The following KCNN2 variants were observed in gnomAD, a reference collection of about 807,000 sequenced individuals.
KCNN2 encodes the protein potassium calcium-activated channel subfamily N member 2, also known as small conductance calcium-activated potassium channel protein 2.
In KCNN2, 24 loss-of-function variants were observed where a neutral mutation model predicts 55.5. That is an observed-to-expected ratio of 0.43 (90% CI 0.31 to 0.61). The LOEUF is 0.61. Among genes scored for constraint, KCNN2 ranks in the 20% least tolerant of loss-of-function variants. KCNN2 has a pLI of 0.08. For missense variants in KCNN2, 754 were observed against 853.6 expected (o/e 0.88, Z 1.45); for synonymous variants, 431 against 336.1 (o/e 1.28, Z -3.09).
chr5:114,115,685 G>A (rs1485282414), intron 1 of KCNN2, among the ~76,000 whole-genome samples: 1 of 151,436 alleles, frequency 6.6e-6, no homozygotes, highest in African/African-American at 2.4e-5. Flanking sequence ...TTGGCCCACT[G>A]AGGGAAAAAA....
At chr5:114,161,513 G>A (rs1469217090) in intron 1 of KCNN2, among the ~76,000 whole-genome samples, 1 of 151,726 alleles carries the variant, frequency 6.6e-6, no homozygotes, top group Non-Finnish European at 1.5e-5. Flanking sequence ...TATCTTTGTG[G>A]CGTTCTCTGT....
rs189164609 is a variant in KCNN2, at chr5:114,072,253, T to C, written c.-271+15753T>C. 2.2e-3 allele frequency among the ~76,000 whole-genome samples: 328 copies of C among 151,846 alleles called. 2 individuals carry two copies. The highest frequency in any genetic ancestry group is 7.6e-3 in the African/African-American group (315 of 41,382). Reference sequence around the variant, plus strand: ...GTTGCGGTGAGCCAAGATCACGCCATTGCACTCCAGCCTGGGCAACAAGAG... The same window carrying C: ...GTTGCGGTGAGCCAAGATCACGCCACTGCACTCCAGCCTGGGCAACAAGAG... On this transcript the variant is annotated intron_variant, in intron 1 of 10. Transcript: ENST00000512097.
chr5:114,426,034 TA>T (rs2150084013), intron 3 of KCNN2, among the ~76,000 whole-genome samples: 2 of 150,622 alleles, frequency 1.3e-5, no homozygotes, highest in African/African-American at 4.9e-5. Context: ...AAAAAAAAAT[TA>T]GCTGGGCATG....
chr5:114,273,247 G>A (rs1439919111), intron 2 of KCNN2, among the ~76,000 whole-genome samples: 1 of 152,144 alleles, frequency 6.6e-6, no homozygotes, highest in South Asian at 2.1e-4. Flanking sequence ...TGGTATATAT[G>A]TGCCACATTT....
At chr5:114,340,545 A>C (rs918067934) in intron 2 of KCNN2, among the ~76,000 whole-genome samples, 1 of 152,178 alleles carries the variant, frequency 6.6e-6, no homozygotes, top group Non-Finnish European at 1.5e-5. Flanking sequence ...TAGAAATAAA[A>C]ATGGTATATA....
intron 1 of KCNN2, among the ~76,000 whole-genome samples, chr5:114,143,108 C>T (rs1303427171): frequency 6.6e-6 from 1 of 152,044 alleles, no homozygotes; most frequent in African/African-American, 2.4e-5. Context: ...GCTGCCAATG[C>T]ACTGGATATA....
chr5:114,242,493 G>A (rs1754665699), intron 2 of KCNN2, among the ~76,000 whole-genome samples: 1 of 152,100 alleles, frequency 6.6e-6, no homozygotes, highest in Non-Finnish European at 1.5e-5. Context: ...ATTGTTTATA[G>A]TGACACCAGT....
chr5:114,451,747 ATT>A (rs745729534), intron 3 of KCNN2, among the ~76,000 whole-genome samples: 337 of 152,208 alleles, frequency 2.2e-3, no homozygotes, highest in Non-Finnish European at 4.0e-3. Flanking sequence ...ATACAAAAAA[ATT>A]AGCCAGGCAT....
intron 2 of KCNN2, among the ~76,000 whole-genome samples, chr5:114,311,745 T>C (rs757735132): frequency 1.7e-4 from 26 of 152,274 alleles, no homozygotes; most frequent in Non-Finnish European, 2.4e-4. Flanking sequence ...AGATTAGAGA[T>C]GAATCTTTGG....
chr5:114,133,534 A>G (rs995903067), intron 1 of KCNN2, among the ~76,000 whole-genome samples: 1 of 152,134 alleles, frequency 6.6e-6, no homozygotes, highest in African/African-American at 2.4e-5. Context: ...AGACAGGGAA[A>G]TGAGTGCTGT....
intron 2 of KCNN2, among the ~76,000 whole-genome samples, chr5:114,241,806 GTA>G (rs1178723158): frequency 0.029 from 186 of 6,474 alleles, 50 homozygotes; most frequent in Non-Finnish European, 0.033. Context: ...ATATATATAC[GTA>G]TATATATATA....
At chr5:114,283,837 C>G (rs537345546) in intron 2 of KCNN2, among the ~76,000 whole-genome samples, 4 of 152,258 alleles carry the variant, frequency 2.6e-5, no homozygotes, top group African/African-American at 9.6e-5. Flanking sequence ...TTTAAGAGTA[C>G]AACTCCTGAG....
At chr5:114,366,603 G>T (rs377130290) in intron 2 of KCNN2, among the ~76,000 whole-genome samples, 1 of 152,216 alleles carries the variant, frequency 6.6e-6, no homozygotes, top group South Asian at 2.1e-4. Context: ...AATTTGTCCA[G>T]AGAAGAGCGT....
intron 2 of KCNN2, among the ~76,000 whole-genome samples, chr5:114,230,400 C>G (rs1205960595): frequency 7.2e-6 from 1 of 138,032 alleles, no homozygotes; most frequent in East Asian, 2.2e-4. Context: ...GTCATCTAGC[C>G]TTAGGTATAT....
chr5:114,349,082 C>A (rs1043584652), intron 2 of KCNN2, among the ~76,000 whole-genome samples: 1 of 152,098 alleles, frequency 6.6e-6, no homozygotes, highest in Non-Finnish European at 1.5e-5. Flanking sequence ...TCCTTCCCCC[C>A]AGCCCAAGAC....
chr5:114,450,358 T>A (rs1760619011), intron 3 of KCNN2, among the ~76,000 whole-genome samples: 1 of 152,104 alleles, frequency 6.6e-6, no homozygotes, highest in Non-Finnish European at 1.5e-5. Context: ...TTGGAGGAGC[T>A]CACAGTGTGC....
chr5:114,174,244 A>G (rs1580588793), intron 1 of KCNN2, among the ~76,000 whole-genome samples: 1 of 152,152 alleles, frequency 6.6e-6, no homozygotes, highest in Non-Finnish European at 1.5e-5. Context: ...TCATGGCTTC[A>G]TAAGATACAT....
At position 114,420,236 on chromosome 5, in the gene KCNN2, C is replaced by T. The variant is rs115750063; in HGVS notation, c.1637+15380C>T. On this transcript the variant is annotated intron_variant, in intron 3 of 7. Transcript: ENST00000673685. ...CATTGGACATTGGCAGAATGCCTTT[C>T]CTTTGACTAGGGAAATAATGTAAAG... 6.1e-3 allele frequency among the ~76,000 whole-genome samples: 930 copies of T among 152,350 alleles called. 12 individuals are homozygous for T. The highest frequency in any genetic ancestry group is 0.022 in the African/African-American group (897 of 41,582).
chr5:114,400,899 T>C lies in KCNN2; in HGVS notation c.1219-3539T>C, dbSNP rs115223676. 7.9e-3 allele frequency among the ~76,000 whole-genome samples: 1,202 copies of C among 152,316 alleles called. 14 individuals are homozygous for C. The highest frequency in any genetic ancestry group is 0.027 in the African/African-American group (1,132 of 41,564). On this transcript the variant is annotated intron_variant, in intron 2 of 7. Coordinates refer to ENST00000673685, the MANE Select transcript of KCNN2 (RefSeq NM_021614.4). ...GCATTATTCTCTATTTCATCTCTTG[T>C]TTCTTTCCTTCATAACAATGTCCAA...
Sources: gnomAD v4.1 joint callset for allele counts (sites outside exome capture counted in the v4.1 genomes callset) on GRCh38, gnomAD v4.1.1 for gene constraint, MANE v1.5 for transcripts, NCBI Gene and HGNC (gene_info 2026-07-23, HGNC 2026-07-21) for gene names.